Variants in NAALADL2 observed in about 807,000 individuals in gnomAD.
The protein encoded by NAALADL2 is N-acetylated alpha-linked acidic dipeptidase like 2, also known as inactive N-acetylated-alpha-linked acidic dipeptidase-like protein 2.
Under a neutral mutation model 87.2 loss-of-function variants are expected in NAALADL2, and 76 were observed. The observed-to-expected ratio is 0.87, with a 90% confidence interval of 0.72 to 1.05. NAALADL2 has a LOEUF of 1.05. NAALADL2 is among the 50% of genes least tolerant of loss of function. The pLI, the probability that NAALADL2 is intolerant of heterozygous loss-of-function variation, is 0.00. For missense variants in NAALADL2, 1,089 were observed against 945.8 expected (o/e 1.15, Z -1.99); for synonymous variants, 354 against 331.0 (o/e 1.07, Z -0.75).
intron 1 of NAALADL2, among the ~76,000 whole-genome samples, chr3:174,941,635 C>A (rs1158971866): frequency 6.6e-6 from 1 of 152,032 alleles, no homozygotes; most frequent in African/African-American, 2.4e-5. Flanking sequence ...GAGTCTATTT[C>A]TCTTTTTATG....
At chr3:175,656,710 G>GGT (rs1731510367) in intron 11 of NAALADL2, among the ~76,000 whole-genome samples, 1 of 151,558 alleles carries the variant, frequency 6.6e-6, no homozygotes, top group Non-Finnish European at 1.5e-5. Flanking sequence ...TTAGTAGTCT[G>GGT]GTGTGTGTGT....
At chr3:174,905,768 T>G (rs1732886351) in intron 1 of NAALADL2, among the ~76,000 whole-genome samples, 1 of 152,032 alleles carries the variant, frequency 6.6e-6, no homozygotes, top group South Asian at 2.1e-4. Flanking sequence ...GTATCTGATG[T>G]AGAAGGGGCA....
At chr3:175,447,075 A>G (rs1267488095) in intron 5 of NAALADL2, among the ~76,000 whole-genome samples, 154 bp from the exon 6 acceptor site, 2 of 152,250 alleles carry the variant, frequency 1.3e-5, no homozygotes, top group Non-Finnish European at 2.9e-5. Flanking sequence ...AATAATGTTA[A>G]TAAGTAAACA....
intron 11 of NAALADL2, among the ~76,000 whole-genome samples, chr3:175,686,027 C>T (rs1736247167): frequency 6.6e-6 from 1 of 152,172 alleles, no homozygotes; most frequent in African/African-American, 2.4e-5. Flanking sequence ...GTCCTAACCT[C>T]AATTTCTGTA....
intron 3 of NAALADL2, among the ~76,000 whole-genome samples, chr3:174,785,140 A>C (rs1190431556): frequency 6.6e-6 from 1 of 152,186 alleles, no homozygotes; most frequent in Non-Finnish European, 1.5e-5. Context: ...TAGTCAGCAC[A>C]GTGTACAACA....
rs573188728 is a variant in NAALADL2, at chr3:175,655,413, T to C, written c.1896+28027T>C. The stretch of plus-strand genomic sequence containing the variant: ...AAATCTCTAAGAAAGTTTTCCAATA[T>C]ATTTAGCTGGAGTTTGCCAAACAAT... On this transcript the variant is annotated intron_variant, in intron 11 of 13. Coordinates refer to ENST00000454872, the MANE Select transcript of NAALADL2 (RefSeq NM_207015.3). The C allele has an allele frequency of 6.1e-4, 186 of 304,886 alleles. 2 individuals are homozygous for C. Among genetic ancestry groups the C allele is most frequent in the South Asian group, 4.8e-3 (181 of 37,966 alleles). The allele number at this position is 304,886 out of a possible 1,614,324, so 18.9% of individuals were successfully genotyped here.
At chr3:174,547,359 A>G (rs1043557599) in intron 1 of NAALADL2, among the ~76,000 whole-genome samples, 9 of 152,110 alleles carry the variant, frequency 5.9e-5, no homozygotes, top group African/African-American at 2.2e-4. Flanking sequence ...AAATAATATA[A>G]GGTATTGATT....
intron 9 of NAALADL2, among the ~76,000 whole-genome samples, chr3:175,546,423 C>G (rs965611645): frequency 1.3e-5 from 2 of 151,954 alleles, no homozygotes; most frequent in African/African-American, 4.8e-5. Context: ...TGGATTTGAT[C>G]CAGTCATAAT....
intron 11 of NAALADL2, among the ~76,000 whole-genome samples, chr3:175,729,395 T>C (rs1005436009): frequency 6.6e-6 from 1 of 152,192 alleles, no homozygotes; most frequent in Non-Finnish European, 1.5e-5. Flanking sequence ...AAGGACTCTG[T>C]ACTTCTATAT....
intron 2 of NAALADL2, among the ~76,000 whole-genome samples, chr3:174,653,759 T>C (rs1724618729): frequency 6.6e-6 from 1 of 152,140 alleles, no homozygotes; most frequent in Non-Finnish European, 1.5e-5. Context: ...TGGAAGGCCT[T>C]ATAATGTCAT....
chr3:174,965,095 G>A (rs539047411), intron 1 of NAALADL2, among the ~76,000 whole-genome samples: 1 of 152,230 alleles, frequency 6.6e-6, no homozygotes, highest in South Asian at 2.1e-4. Flanking sequence ...TCATGAGGTA[G>A]CAGTTAGGAC....
chr3:174,744,919 A>C (rs1488417171), intron 3 of NAALADL2, among the ~76,000 whole-genome samples: 1 of 152,208 alleles, frequency 6.6e-6, no homozygotes, highest in African/African-American at 2.4e-5. Flanking sequence ...GATACAATGT[A>C]CCAGAATCTC....
chr3:175,331,473 G>T lies in NAALADL2; in HGVS notation c.1090+7148G>T, dbSNP rs1761390986. ...ACAACATATGCAAATCAATAAACAT[G>T]ATATACATGATAAACACTGATAAAA... is the stretch of plus-strand genomic sequence containing the variant. On this transcript the variant is annotated intron_variant, in intron 5 of 13. Coordinates refer to ENST00000454872, the MANE Select transcript of NAALADL2 (RefSeq NM_207015.3). Among the ~76,000 whole-genome samples, 4 of 151,982 alleles carry T rather than the reference G, an allele frequency of 2.6e-5. No individual in the cohort carries two copies. In the South Asian group the frequency reaches 8.3e-4, roughly 32 times the overall value.
intron 1 of NAALADL2, among the ~76,000 whole-genome samples, chr3:174,545,234 T>TTTTTTG (rs1339418209): frequency 3.9e-5 from 6 of 152,168 alleles, no homozygotes; most frequent in African/African-American, 1.4e-4. Flanking sequence ...TTCACTAAAC[T>TTTTTTG]TTTTTGTTTT....
intron 4 of NAALADL2, among the ~76,000 whole-genome samples, chr3:175,323,674 C>A: frequency 6.7e-6 from 1 of 148,516 alleles, no homozygotes; most frequent in South Asian, 2.1e-4. Context: ...AAAAAAAAGG[C>A]CAGTAGAAAA....
chr3:175,743,926 T>C (rs1348095293), intron 12 of NAALADL2, among the ~76,000 whole-genome samples: 1 of 152,204 alleles, frequency 6.6e-6, no homozygotes, highest in Non-Finnish European at 1.5e-5. Flanking sequence ...TTAAGCTTTT[T>C]GTAAGAGTGA....
chr3:175,749,945 A>G (rs573240139), intron 12 of NAALADL2, among the ~76,000 whole-genome samples: 1 of 152,320 alleles, frequency 6.6e-6, no homozygotes, highest in Admixed American at 6.5e-5. Context: ...AAGGGTGTTC[A>G]GAAGGAATAA....
At chr3:175,564,503 A>C (rs1378012976) in intron 9 of NAALADL2, among the ~76,000 whole-genome samples, 1 of 152,156 alleles carries the variant, frequency 6.6e-6, no homozygotes, top group East Asian at 1.9e-4. Flanking sequence ...CATCACTGAC[A>C]TGCTGACACC....
intron 6 of NAALADL2, among the ~76,000 whole-genome samples, chr3:175,454,776 C>T (rs1326994860): frequency 6.6e-6 from 1 of 151,964 alleles, no homozygotes; most frequent in Non-Finnish European, 1.5e-5. Context: ...CCTAGCCCAC[C>T]ATATTTTTAG....
Sources: gnomAD v4.1 joint callset for allele counts (sites outside exome capture counted in the v4.1 genomes callset) on GRCh38, gnomAD v4.1.1 for gene constraint, MANE v1.5 for transcripts, NCBI Gene and HGNC (gene_info 2026-07-23, HGNC 2026-07-21) for gene names.